KALRN: variants seen among roughly 807,000 people sequenced by gnomAD.
KALRN encodes the protein kalirin.
Under a neutral mutation model 353.7 loss-of-function variants are expected in KALRN, and 70 were observed. That is an observed-to-expected ratio of 0.20 (90% CI 0.16 to 0.24). The LOEUF is 0.24. Among genes scored for constraint, KALRN ranks in the 10% least tolerant of loss-of-function variants. The probability of loss-of-function intolerance (pLI) is 1.00; values close to 1 mark genes in which losing one functional copy is unlikely to be tolerated. For missense variants in KALRN, 2,791 were observed against 3,756.7 expected, an observed-to-expected ratio of 0.74 and a Z score of 6.72; for synonymous variants, 1,391 against 1,434.8, an observed-to-expected ratio of 0.97 and a Z score of 0.69.
At chr3:124,292,446 G>T (rs74755712) in intron 5 of KALRN, among the ~76,000 whole-genome samples, 1 of 152,204 alleles carries the variant, frequency 6.6e-6, no homozygotes, top group African/African-American at 2.4e-5. Flanking sequence ...AGCAGAGAGG[G>T]TGGGGAAGGG....
chr3:124,600,093 G>A (rs916564618), intron 34 of KALRN, among the ~76,000 whole-genome samples: 1 of 152,242 alleles, frequency 6.6e-6, no homozygotes, highest in African/African-American at 2.4e-5. Flanking sequence ...AGTGGGCAAG[G>A]CTTCCCAAAA....
chr3:124,298,232 G>A (rs1334377546), intron 5 of KALRN, among the ~76,000 whole-genome samples: 1 of 152,152 alleles, frequency 6.6e-6, no homozygotes, highest in East Asian at 1.9e-4. Context: ...CTTATACTAC[G>A]CTTAAAACCC....
intron 1 of KALRN, among the ~76,000 whole-genome samples, chr3:124,200,469 TG>T (rs2075850002): frequency 6.6e-6 from 1 of 152,220 alleles, no homozygotes; most frequent in Non-Finnish European, 1.5e-5. Flanking sequence ...ATGGGCTCTC[TG>T]GGGTCTTTTT....
rs139024076 is a variant in KALRN, at chr3:124,424,704, G to A, written c.2709+1726G>A. Among the ~76,000 whole-genome samples the A allele has an allele frequency of 5.8e-4, 88 of 152,310 alleles. 2 individuals carry two copies. The Middle Eastern group carries it at 0.02, about 35-fold the overall frequency. Reference sequence around the variant, plus strand: ...TTATAAGGACTTGGTGGAAATCCTAGCAGGCCCAGAACAGTAACGAGTATG... The same window carrying A: ...TTATAAGGACTTGGTGGAAATCCTAACAGGCCCAGAACAGTAACGAGTATG... On this transcript the variant is annotated intron_variant, in intron 15 of 59. Coordinates refer to ENST00000682506, the MANE Select transcript of KALRN (RefSeq NM_001388419.1).
chr3:124,344,661 C>T (rs780886529), intron 9 of KALRN, among the ~76,000 whole-genome samples: 8 of 152,260 alleles, frequency 5.3e-5, no homozygotes, highest in African/African-American at 7.2e-5. Flanking sequence ...CCTGAACTTT[C>T]GTCGAAATTG....
intron 55 of KALRN, among the ~76,000 whole-genome samples, chr3:124,699,640 C>CAGAAT (rs1194576065): frequency 6.6e-6 from 1 of 152,192 alleles, no homozygotes; most frequent in Non-Finnish European, 1.5e-5. Flanking sequence ...TGAAAGTGAA[C>CAGAAT]AGAATCTATA....
intron 1 of KALRN, among the ~76,000 whole-genome samples, chr3:124,099,627 G>T (rs2061699225): frequency 6.6e-6 from 1 of 152,118 alleles, no homozygotes; most frequent in Non-Finnish European, 1.5e-5. Context: ...GTTTTTATGA[G>T]AAACCTCCAT....
intron 33 of KALRN, among the ~76,000 whole-genome samples, chr3:124,544,594 C>T (rs961636481): frequency 2.8e-4 from 42 of 151,492 alleles, no homozygotes; most frequent in Non-Finnish European, 4.0e-4. Flanking sequence ...ACATCTATAT[C>T]GATATAGATA....
rs555611431 is a variant in KALRN at position 124,566,172 on chromosome 3, C to T, written c.5182+3083C>T. Among the ~76,000 whole-genome samples the T allele has an allele frequency of 6.6e-5, 10 of 152,276 alleles. No homozygotes were observed. In the East Asian group the frequency reaches 1.9e-3, roughly 29 times the overall value. Reference sequence around the variant, plus strand: ...CTTACTATCTTCTCACCCATGTGAGCTCTGAATACAGAGGTCCCCGACTCC... The same window carrying T: ...CTTACTATCTTCTCACCCATGTGAGTTCTGAATACAGAGGTCCCCGACTCC... On this transcript the variant is annotated intron_variant, in intron 34 of 59. Transcript: ENST00000682506.
rs376114705 is a variant in KALRN, at chr3:124,685,471, A to G, written c.7377+5954A>G. Among the ~76,000 whole-genome samples the G allele has an allele frequency of 1.7e-4, 26 of 152,364 alleles. No homozygotes were observed. In the East Asian group the frequency reaches 2.9e-3, roughly 17 times the overall value. ...AGGTCAAGGTCATACAGCTAATAAA[A>G]AGAGCAAGTCTTGATGGTGGTGCTT... is the stretch of plus-strand genomic sequence containing the variant. On this transcript the variant is annotated intron_variant, in intron 51 of 59. Coordinates refer to ENST00000682506, the MANE Select transcript of KALRN (RefSeq NM_001388419.1).
intron 57 of KALRN, among the ~76,000 whole-genome samples, chr3:124,710,761 C>T (rs536158633): frequency 2.6e-5 from 4 of 152,132 alleles, no homozygotes; most frequent in African/African-American, 4.8e-5. Flanking sequence ...TGCACTCAAG[C>T]GTGGGTGACA....
intron 1 of KALRN, among the ~76,000 whole-genome samples, chr3:124,170,002 T>C (rs978994762): frequency 6.6e-6 from 1 of 152,236 alleles, no homozygotes; most frequent in Non-Finnish European, 1.5e-5. Flanking sequence ...AGAAGAGGGC[T>C]GGCTTGGTTG....
chr3:124,356,988 C>T (rs1302227069), intron 10 of KALRN, among the ~76,000 whole-genome samples: 1 of 152,158 alleles, frequency 6.6e-6, no homozygotes, highest in Non-Finnish European at 1.5e-5. Flanking sequence ...TCAGAGGGTT[C>T]CTAAACTCCG....
At chr3:124,168,206 G>A (rs1039626231) in intron 1 of KALRN, among the ~76,000 whole-genome samples, 3 of 152,192 alleles carry the variant, frequency 2.0e-5, no homozygotes, top group Non-Finnish European at 2.9e-5. Context: ...AAGATGAAAT[G>A]ATACTGAAAA....
intron 49 of KALRN, 144 bp downstream of exon 49, chr3:124,674,758 T>C (rs1490453273): frequency 5.5e-6 from 5 of 905,902 alleles, no homozygotes; most frequent in Non-Finnish European, 7.9e-6. Context: ...AGTGTTTGAG[T>C]GCTGACACCA....
intron 42 of KALRN, among the ~76,000 whole-genome samples, 194 bp from the exon 43 acceptor site, chr3:124,659,171 A>G (rs1296380884): frequency 6.6e-6 from 1 of 152,214 alleles, no homozygotes; most frequent in Non-Finnish European, 1.5e-5. Flanking sequence ...GCAGGAAGCC[A>G]GTGGTGATGT....
intron 28 of KALRN, among the ~76,000 whole-genome samples, chr3:124,486,136 C>A (rs1355788716): frequency 2.6e-5 from 4 of 152,076 alleles, no homozygotes; most frequent in Non-Finnish European, 4.4e-5. Flanking sequence ...TGTGGCTTTA[C>A]AAAAGGATCC....
At chr3:124,336,018 G>A (rs566825218) in intron 9 of KALRN, among the ~76,000 whole-genome samples, 2 of 152,214 alleles carry the variant, frequency 1.3e-5, no homozygotes, top group East Asian at 3.9e-4. Flanking sequence ...GCAGAGTGGA[G>A]GGAGAGTTGA....
At chr3:124,469,441 A>C (rs1341592068) in intron 25 of KALRN, among the ~76,000 whole-genome samples, 1 of 152,196 alleles carries the variant, frequency 6.6e-6, no homozygotes. Flanking sequence ...ATGACCCTCC[A>C]TTAGTTTAAT....
Sources: allele counts gnomAD v4.1 joint callset (sites outside exome capture counted in the v4.1 genomes callset), GRCh38; gene constraint gnomAD v4.1.1; transcripts MANE v1.5; gene names NCBI Gene and HGNC (gene_info 2026-07-23, HGNC 2026-07-21).